Variants in MYH15 observed in about 807,000 individuals in gnomAD.
MYH15 encodes the protein myosin-15.
MYH15 carries 227 observed loss-of-function variants against 240.5 expected under a neutral mutation model. That is an observed-to-expected ratio of 0.94 (90% CI 0.85 to 1.05). MYH15 has a LOEUF of 1.05. Ranked by LOEUF, MYH15 falls within the 50% of genes least tolerant of loss-of-function variation. The probability of loss-of-function intolerance (pLI) is 0.00; values close to 1 mark genes in which losing one functional copy is unlikely to be tolerated. For synonymous variants in MYH15, 785 were observed against 796.7 expected (o/e 0.99, Z 0.25); for missense variants, 2,217 against 2,247.5 (o/e 0.99, Z 0.27).
chr3:108,410,213 T>C (rs1051838469), intron 31 of MYH15, among the ~76,000 whole-genome samples: 5 of 152,142 alleles, frequency 3.3e-5, no homozygotes, highest in African/African-American at 1.2e-4. Flanking sequence ...GAAATATTCA[T>C]TAAATCGGGA....
At chr3:108,490,396 T>C (rs531593601) in intron 9 of MYH15, among the ~76,000 whole-genome samples, 2 of 152,366 alleles carry the variant, frequency 1.3e-5, no homozygotes, top group Non-Finnish European at 2.9e-5. Flanking sequence ...TCTTACCCTA[T>C]GTCCACTTCT....
the MYH15 span, chr3:108,550,285 C>T: frequency 1.3e-5 from 2 of 151,356 alleles, no homozygotes; most frequent in East Asian, 3.9e-4. Context: ...ATTAGGACAA[C>T]AAATTAAATA....
rs917675191 is a variant in MYH15 at position 108,430,702 on chromosome 3, T to G, written c.3312+130A>C. The G allele has an allele frequency of 8.5e-6, 5 of 590,160 alleles. No individual in the cohort carries two copies. In the African/African-American group the frequency reaches 9.4e-5, roughly 11 times the overall value. The allele number at this position is 590,160 out of a possible 1,614,324, so 36.6% of individuals were successfully genotyped here. A position where few individuals can be genotyped will look rare whatever the true frequency, so the allele number is the denominator to read the frequency against. On this transcript the variant is annotated intron_variant, in intron 26 of 40. Transcript: ENST00000693548. ...TGCCACAGTTTCCCTTCTTAACCAC[T>G]GTTCTTTTCTGCCTCTGCCTGTGGT...
intron 29 of MYH15, among the ~76,000 whole-genome samples, chr3:108,415,208 G>C (rs2082623986): frequency 6.6e-6 from 1 of 152,110 alleles, no homozygotes; most frequent in Admixed American, 6.5e-5. Context: ...ATAATCTAGT[G>C]TGGAAAGAAC....
chr3:108,539,534 AAAAT>A, the MYH15 span, among the ~76,000 whole-genome samples: 2 of 152,216 alleles, frequency 1.3e-5, no homozygotes, highest in Admixed American at 6.5e-5. Context: ...CTGGTTATTT[AAAAT>A]AAATAAATAG....
chr3:108,407,874 T>C (rs114741734), intron 32 of MYH15, among the ~76,000 whole-genome samples: 3,449 of 152,308 alleles, frequency 0.023, 128 homozygotes, highest in African/African-American at 0.075. Flanking sequence ...CAAGGGATCT[T>C]GTTAAAATGC....
intron 21 of MYH15, among the ~76,000 whole-genome samples, chr3:108,450,631 T>C (rs2082964268): frequency 1.3e-5 from 2 of 152,174 alleles, no homozygotes; most frequent in Admixed American, 6.5e-5. Context: ...ATATACAGCA[T>C]GGTAACCACA....
intron 28 of MYH15, among the ~76,000 whole-genome samples, chr3:108,418,846 G>T (rs1424679817): frequency 2.0e-5 from 3 of 152,094 alleles, no homozygotes; most frequent in Non-Finnish European, 4.4e-5. Flanking sequence ...CGCCTCCAGG[G>T]TTCAAGTGAT....
the MYH15 span, among the ~76,000 whole-genome samples, chr3:108,535,222 A>G: frequency 1.3e-3 from 193 of 152,284 alleles, no homozygotes; most frequent in African/African-American, 4.4e-3. Flanking sequence ...TCTTAGTTCC[A>G]TCTGGGCTGC....
chr3:108,507,343 T>C (rs1316780023), intron 1 of MYH15, among the ~76,000 whole-genome samples: 5 of 141,666 alleles, frequency 3.5e-5, no homozygotes, highest in South Asian at 2.3e-4. Flanking sequence ...CTCAGGTACA[T>C]GGGGAAAGCC....
chr3:108,516,862 G>A (rs924343360), intron 1 of MYH15, among the ~76,000 whole-genome samples: 1 of 152,090 alleles, frequency 6.6e-6, no homozygotes, highest in African/African-American at 2.4e-5. Flanking sequence ...TACTTCAAAG[G>A]GTGATTATTA....
At chr3:108,474,993 T>A (rs2083208204) in intron 12 of MYH15, among the ~76,000 whole-genome samples, 1 of 152,188 alleles carries the variant, frequency 6.6e-6, no homozygotes, top group African/African-American at 2.4e-5. Context: ...TAGTTAGTAT[T>A]ATAGTAGAGG....
At chr3:108,389,328 T>C (rs1249399190) in intron 37 of MYH15, among the ~76,000 whole-genome samples, 1 of 152,240 alleles carries the variant, frequency 6.6e-6, no homozygotes, top group African/African-American at 2.4e-5. Flanking sequence ...GCTTTTTTCT[T>C]GAATTACAAA....
intron 12 of MYH15, among the ~76,000 whole-genome samples, 188 bp from the exon 13 acceptor site, chr3:108,471,035 A>C (rs1464057910): frequency 8.8e-6 from 1 of 113,946 alleles, no homozygotes; most frequent in Non-Finnish European, 1.7e-5. Context: ...AAAAGAAAGA[A>C]AGAAAGAAAA....
intron 27 of MYH15, among the ~76,000 whole-genome samples, chr3:108,425,058 A>T (rs2082715445): frequency 6.6e-6 from 1 of 152,246 alleles, no homozygotes; most frequent in Non-Finnish European, 1.5e-5. Flanking sequence ...AAGACTAGAT[A>T]ATGCATAAGT....
rs185257681 is a variant in MYH15, at chr3:108,441,063, T to G, written c.2853A>C (p.Thr951=). The G allele has an allele frequency of 2.8e-3, 4,577 of 1,614,174 alleles. 8 individuals are homozygous for G. Among genetic ancestry groups the G allele is most frequent in the Non-Finnish European group, 3.4e-3 (3,971 of 1,179,992 alleles). The change falls in exon 23 of 41, where the codon ACA becomes ACC. Residue 951 remains threonine (T), a synonymous_variant. Transcript: ENST00000693548. ...TCTCCTTCTCTGACTTCACCAACATTGTTTCCAGGTCATCGATTTCTTTCT... is the reference window on the plus strand; with the variant it reads ...TCTCCTTCTCTGACTTCACCAACATGGTTTCCAGGTCATCGATTTCTTTCT... ...ELKKEIDDLE[T]MLVKSEKEKR... is the part of the protein sequence containing the mutation.
Position 108,499,438 on chromosome 3 carries a change from A to G in MYH15, c.524+17T>C. 1 of 1,612,422 alleles carries G rather than the reference A, an allele frequency of 6.2e-7. No individual in the cohort carries two copies. The highest frequency in any genetic ancestry group is 8.5e-7 in the Non-Finnish European group (1 of 1,179,444). Reference sequence around the variant, plus strand: ...ACTTACTTCAGGCCAAAAAAGAAAAACAAGGCAAACACTTACGTGAAGAGT... The same window carrying G: ...ACTTACTTCAGGCCAAAAAAGAAAAGCAAGGCAAACACTTACGTGAAGAGT... On this transcript the variant is annotated intron_variant, in intron 5 of 40. Transcript: ENST00000693548.
Position 108,391,924 on chromosome 3 carries a change from T to C in MYH15, c.5266A>G (p.Asn1756Asp). 1.2e-6 allele frequency: 2 copies of C among 1,614,004 alleles called. No homozygotes were observed. Among genetic ancestry groups the C allele is most frequent in the Non-Finnish European group, 1.7e-6 (2 of 1,179,920 alleles). Residue 1756 changes from asparagine to aspartate, a missense_variant, in exon 37 of 41, where the codon AAC becomes GAC. By Grantham distance (23) the Asn-to-Asp change is conservative. Transcript: ENST00000693548. ...TTCTTCTTCAGTTCTTCTGACAAGT[T>C]TGCTGCCTAGGGGGTTAAAAAAAGG... ...KAKKAAIEAA[N>D]LSEELKKKQD...
At chr3:108,539,040 C>T in the MYH15 span, among the ~76,000 whole-genome samples, 1 of 152,132 alleles carries the variant, frequency 6.6e-6, no homozygotes, top group African/African-American at 2.4e-5. Flanking sequence ...GAAGGCAGAG[C>T]CCTTATGTCC....
Sources: allele counts gnomAD v4.1 joint callset (sites outside exome capture counted in the v4.1 genomes callset), GRCh38; gene constraint gnomAD v4.1.1; transcripts MANE v1.5; gene names NCBI Gene and HGNC (gene_info 2026-07-23, HGNC 2026-07-21).